The following PDSS2 variants were observed in gnomAD, a reference collection of about 807,000 sequenced individuals.
PDSS2 encodes the protein decaprenyl diphosphate synthase subunit 2, also known as all trans-polyprenyl-diphosphate synthase PDSS2.
Under a neutral mutation model 44.5 loss-of-function variants are expected in PDSS2, and 31 were observed. The observed-to-expected ratio is 0.70, with a 90% CI of 0.52 to 0.94. The LOEUF is 0.94. PDSS2 is among the 40% of genes least tolerant of loss of function. The pLI is 0.00. For synonymous variants in PDSS2, 157 were observed against 180.3 expected (o/e 0.87, Z 1.03); for missense variants, 452 against 482.2 (o/e 0.94, Z 0.59).
chr6:107,348,886 G>A (rs1413118651), intron 1 of PDSS2, among the ~76,000 whole-genome samples: 2 of 152,070 alleles, frequency 1.3e-5, no homozygotes, highest in Non-Finnish European at 2.9e-5. Flanking sequence ...ACACAAGCTT[G>A]TACAGTACTA....
intron 1 of PDSS2, among the ~76,000 whole-genome samples, chr6:107,335,519 G>A (rs1777858573): frequency 1.3e-5 from 2 of 152,184 alleles, no homozygotes; most frequent in South Asian, 4.1e-4. Context: ...CAGCAAAAAT[G>A]TTGCTTATTA....
intron 2 of PDSS2, among the ~76,000 whole-genome samples, chr6:107,279,637 T>G (rs1446916820): frequency 6.6e-6 from 1 of 152,166 alleles, no homozygotes; most frequent in Admixed American, 6.5e-5. Flanking sequence ...ATTATAAGAT[T>G]CAGGGATTTT....
chr6:107,178,320 C>T (rs1771863568), intron 7 of PDSS2, among the ~76,000 whole-genome samples: 1 of 152,172 alleles, frequency 6.6e-6, no homozygotes, highest in South Asian at 2.1e-4. Flanking sequence ...TATATTTACT[C>T]TGTGCCATGT....
At chr6:107,283,185 T>C (rs1162891475) in intron 2 of PDSS2, among the ~76,000 whole-genome samples, 1 of 150,860 alleles carries the variant, frequency 6.6e-6, no homozygotes, top group African/African-American at 2.4e-5. Flanking sequence ...ATTAGCCAGG[T>C]ATGGTGGTGT....
intron 2 of PDSS2, among the ~76,000 whole-genome samples, chr6:107,330,967 A>G (rs1412482006): frequency 6.6e-6 from 1 of 152,188 alleles, no homozygotes; most frequent in Non-Finnish European, 1.5e-5. Context: ...GCCAAACAAA[A>G]GAGATCACCT....
intron 3 of PDSS2, 68 bp from the exon 4 acceptor site, chr6:107,245,687 T>C (rs917471081): frequency 9.7e-7 from 1 of 1,028,222 alleles, no homozygotes; most frequent in Non-Finnish European, 1.4e-6. Flanking sequence ...CTCAGAATGT[T>C]TCAGAAGGCT....
At chr6:107,420,006 G>A (rs182912757) in intron 1 of PDSS2, among the ~76,000 whole-genome samples, 228 of 152,240 alleles carry the variant, frequency 1.5e-3, no homozygotes, top group African/African-American at 4.9e-3. Context: ...AACCTAAACC[G>A]AAGTCCCTGA....
At chr6:107,417,779 AC>A (rs1339992577) in intron 1 of PDSS2, among the ~76,000 whole-genome samples, 513 of 2,342 alleles carry the variant, frequency 0.22, 1 homozygote, top group Non-Finnish European at 0.32. Flanking sequence ...TAATAATAAT[AC>A]ACACACACAC....
At chr6:107,457,996 T>C (rs1415840913) in intron 1 of PDSS2, among the ~76,000 whole-genome samples, 1 of 152,082 alleles carries the variant, frequency 6.6e-6, no homozygotes, top group Non-Finnish European at 1.5e-5. Flanking sequence ...TAGAAAGATA[T>C]ATACACGTGA....
chr6:107,383,736 A>C (rs1224618061), intron 1 of PDSS2, among the ~76,000 whole-genome samples: 1 of 152,222 alleles, frequency 6.6e-6, no homozygotes, highest in Non-Finnish European at 1.5e-5. Flanking sequence ...CCACAATGAC[A>C]CCAATTTACA....
intron 3 of PDSS2, among the ~76,000 whole-genome samples, chr6:107,267,785 G>T (rs1775460110): frequency 6.6e-6 from 1 of 151,226 alleles, no homozygotes; most frequent in Non-Finnish European, 1.5e-5. Flanking sequence ...TAGAGACAGG[G>T]TCTTGCTATG....
intron 3 of PDSS2, among the ~76,000 whole-genome samples, chr6:107,256,528 T>C (rs1775028614): frequency 6.6e-6 from 1 of 152,164 alleles, no homozygotes; most frequent in South Asian, 2.1e-4. Context: ...AGGTTTGTAC[T>C]CTAAAGGCAG....
At chr6:107,417,576 T>A (rs1256175023) in intron 1 of PDSS2, among the ~76,000 whole-genome samples, 3 of 152,138 alleles carry the variant, frequency 2.0e-5, no homozygotes, top group Non-Finnish European at 2.9e-5. Context: ...CTAGCCAACA[T>A]GGTGAAACCC....
chr6:107,180,671 G>A (rs954586526), intron 7 of PDSS2, among the ~76,000 whole-genome samples: 6 of 152,026 alleles, frequency 3.9e-5, no homozygotes, highest in Admixed American at 6.6e-5. Flanking sequence ...CTTCATCAAC[G>A]ATCTAAGCCT....
At chr6:107,296,909 T>A (rs1212065384) in intron 2 of PDSS2, among the ~76,000 whole-genome samples, 1 of 152,090 alleles carries the variant, frequency 6.6e-6, no homozygotes, top group Non-Finnish European at 1.5e-5. Context: ...CATCACAAAT[T>A]TGAAACTAGA....
intron 1 of PDSS2, among the ~76,000 whole-genome samples, chr6:107,374,950 T>A (rs913613379): frequency 6.6e-6 from 1 of 152,144 alleles, no homozygotes; most frequent in East Asian, 1.9e-4. Flanking sequence ...TAGGAAGATA[T>A]CTAGAAAATC....
chr6:107,348,004 G>A (rs1183797838), intron 1 of PDSS2, among the ~76,000 whole-genome samples: 1 of 152,012 alleles, frequency 6.6e-6, no homozygotes, highest in African/African-American at 2.4e-5. Flanking sequence ...AAAGTTGCCA[G>A]GCATGAGCTG....
intron 7 of PDSS2, among the ~76,000 whole-genome samples, chr6:107,168,252 G>C (rs1771426947): frequency 6.6e-6 from 1 of 152,048 alleles, no homozygotes; most frequent in Admixed American, 6.6e-5. Flanking sequence ...TGTCTCTTTT[G>C]ATCTTTGTTG....
intron 4 of PDSS2, among the ~76,000 whole-genome samples, chr6:107,219,276 C>T (rs1210968101): frequency 6.6e-6 from 1 of 151,974 alleles, no homozygotes; most frequent in Non-Finnish European, 1.5e-5. Context: ...CATATTTTCA[C>T]ACTTGCGTGA....
Sources: allele counts gnomAD v4.1 joint callset (sites outside exome capture counted in the v4.1 genomes callset), GRCh38; gene constraint gnomAD v4.1.1; transcripts MANE v1.5; gene names NCBI Gene and HGNC (gene_info 2026-07-23, HGNC 2026-07-21).